UBOX5: variants seen among roughly 807,000 people sequenced by gnomAD.
UBOX5 encodes the protein RING finger protein 37.
Under a neutral mutation model 39.0 loss-of-function variants are expected in UBOX5, and 28 were observed. The observed-to-expected ratio is 0.72, with a 90% CI of 0.53 to 0.98. UBOX5 has a LOEUF of 0.98. Among genes scored for constraint, UBOX5 ranks in the 50% least tolerant of loss-of-function variants. The probability of loss-of-function intolerance (pLI) is 0.00; values close to 1 mark genes in which losing one functional copy is unlikely to be tolerated. For missense variants in UBOX5, 585 were observed against 674.4 expected, an observed-to-expected ratio of 0.87 and a Z score of 1.47; for synonymous variants, 283 against 275.5, an observed-to-expected ratio of 1.03 and a Z score of -0.27.
At chr20:3,136,032 G>A (rs538641846) in intron 1 of UBOX5, 1 of 152,270 alleles carries the variant, frequency 6.6e-6, no homozygotes, top group South Asian at 2.1e-4. Context: ...ACCACTTAGA[G>A]GCAATTCACC....
intron 1 of UBOX5, among the ~76,000 whole-genome samples, chr20:3,128,335 T>G (rs1264067648): frequency 6.6e-6 from 1 of 152,196 alleles, no homozygotes; most frequent in African/African-American, 2.4e-5. Context: ...TTAAAATAAA[T>G]ATATAGCCAA....
chr20:3,140,424 T>C (rs16988316), intron 1 of UBOX5, among the ~76,000 whole-genome samples: 1,604 of 152,208 alleles, frequency 0.011, 30 homozygotes, highest in African/African-American at 0.037. Context: ...TCTACAAAGG[T>C]TTTTACTACC....
intron 1 of UBOX5, among the ~76,000 whole-genome samples, chr20:3,154,986 G>C (rs187131585): frequency 3.2e-4 from 46 of 145,894 alleles, no homozygotes; most frequent in Non-Finnish European, 5.8e-4. Context: ...CCAGGAGGCA[G>C]AGGTTGCAGT....
In UBOX5 at chr20:3,121,948, C is replaced by A. The variant is rs748427894; in HGVS notation, c.691G>T (p.Glu231Ter). 6.2e-7 allele frequency: 1 copy of A among 1,613,970 alleles called. No individual in the cohort carries two copies. Among genetic ancestry groups the A allele is most frequent in the Non-Finnish European group, 8.5e-7 (1 of 1,180,038 alleles). The change falls in exon 3 of 5, where the codon GAA (glutamate) becomes TAA (stop). Residue 231 changes from glutamate (E) to a stop codon, truncating the protein, a stop_gained. Transcript: ENST00000217173. LOFTEE classifies it high-confidence loss of function. ...VALQAPALPM[E>*]SDCDPGDQPE... ...TGGTCCCCAGGGTCACAGTCACTTT[C>A]CATGGGCAAGGCTGGAGCCTGCAGA...
chr20:3,136,674 G>T (rs2066475278), intron 1 of UBOX5, among the ~76,000 whole-genome samples: 1 of 150,502 alleles, frequency 6.6e-6, no homozygotes, highest in African/African-American at 2.4e-5. Context: ...CTATTATTTT[G>T]AGATGGAGTC....
At chr20:3,114,916 C>G (rs2066281570) in intron 4 of UBOX5, among the ~76,000 whole-genome samples, 1 of 152,070 alleles carries the variant, frequency 6.6e-6, no homozygotes, top group South Asian at 2.1e-4. Flanking sequence ...CCACTGCACT[C>G]CAGCCTGGGC....
Position 3,109,799 on chromosome 20 carries a change from C to CG in UBOX5, c.*306dup, listed in dbSNP as rs1343955373. 1.4e-4 allele frequency: 59 copies of CG among 435,176 alleles called. 1 individual carries two copies. Among genetic ancestry groups the CG allele is most frequent in the African/African-American group, 8.5e-4 (42 of 49,682 alleles). 27.0% of individuals were successfully genotyped at this position (435,176 alleles called of 1,614,324 possible). A position where few individuals can be genotyped will look rare whatever the true frequency, so the allele number is the denominator to read the frequency against. On this transcript the variant is annotated 3_prime_UTR_variant, in exon 5 of 5. Transcript: ENST00000217173. ...TGGACAGGGGGGTATGCGGACTGCA[C>CG]GGGGGGGCCCTCAGCAGGGGTCTTC...
At chr20:3,138,341 A>G (rs2066488871) in intron 1 of UBOX5, among the ~76,000 whole-genome samples, 1 of 152,108 alleles carries the variant, frequency 6.6e-6, no homozygotes, top group Admixed American at 6.6e-5. Flanking sequence ...TATGTCTAGG[A>G]ATATGTATAC....
At chr20:3,155,052 C>CAA (rs11326176) in intron 1 of UBOX5, among the ~76,000 whole-genome samples, 15 of 96,080 alleles carry the variant, frequency 1.6e-4, no homozygotes, top group African/African-American at 5.0e-4. Flanking sequence ...GACACAGTCT[C>CAA]AAAAAAAAAA....
chr20:3,142,163 G>GAAA (rs74932169), intron 1 of UBOX5, among the ~76,000 whole-genome samples: 2 of 79,980 alleles, frequency 2.5e-5, no homozygotes. Flanking sequence ...GTCTCAAAAA[G>GAAA]AAAAAAAAAA....
intron 1 of UBOX5, among the ~76,000 whole-genome samples, chr20:3,137,375 G>A (rs2066480284): frequency 6.6e-6 from 1 of 152,088 alleles, no homozygotes; most frequent in African/African-American, 2.4e-5. Context: ...CCGCCTCCTG[G>A]GTTCAAGTGA....
At chr20:3,156,236 C>T (rs925157995) in intron 1 of UBOX5, among the ~76,000 whole-genome samples, 2 of 144,258 alleles carry the variant, frequency 1.4e-5, no homozygotes, top group African/African-American at 5.2e-5. Context: ...AGTGCAGTGG[C>T]GTGATCTCAG....
At position 3,132,184 on chromosome 20, in the gene UBOX5, C is replaced by T. The variant is rs576333083; in HGVS notation, c.-41-8778G>A. On this transcript the variant is annotated intron_variant, in intron 1 of 4. Coordinates refer to ENST00000217173, the MANE Select transcript of UBOX5 (RefSeq NM_014948.4). ...AATTAGCTGGGCATGGTTGCGCATGCCTGTAATCCCAGCTACTCTGAAGGC... is the reference window on the plus strand; with the variant it reads ...AATTAGCTGGGCATGGTTGCGCATGTCTGTAATCCCAGCTACTCTGAAGGC... Among the ~76,000 whole-genome samples, 12 of 151,782 alleles carry T rather than the reference C, an allele frequency of 7.9e-5. No individual in the cohort carries two copies. The East Asian group carries it at 2.3e-3, about 29-fold the overall frequency.
intron 1 of UBOX5, among the ~76,000 whole-genome samples, chr20:3,140,728 T>C (rs2066510861): frequency 6.6e-6 from 1 of 152,074 alleles, no homozygotes; most frequent in Admixed American, 6.6e-5. Flanking sequence ...TTTTCAACTT[T>C]TATTTTAGAT....
At chr20:3,141,162 G>A (rs1250270044) in intron 1 of UBOX5, among the ~76,000 whole-genome samples, 2 of 151,100 alleles carry the variant, frequency 1.3e-5, no homozygotes, top group Admixed American at 6.6e-5. Context: ...CAGGTGATCC[G>A]CCCGCCTCAG....
chr20:3,126,891 T>C (rs751789341), intron 1 of UBOX5, among the ~76,000 whole-genome samples: 1 of 151,464 alleles, frequency 6.6e-6, no homozygotes, highest in Admixed American at 6.6e-5. Flanking sequence ...CAAAAAGCAG[T>C]TGGGCATGGT....
intron 1 of UBOX5, among the ~76,000 whole-genome samples, chr20:3,144,861 G>A (rs892128795): frequency 1.3e-5 from 2 of 152,118 alleles, no homozygotes; most frequent in South Asian, 2.1e-4. Context: ...CTGCCTAAGC[G>A]TCAGACTTGG....
intron 1 of UBOX5, among the ~76,000 whole-genome samples, chr20:3,150,327 C>T (rs186138427): frequency 6.6e-6 from 1 of 152,136 alleles, no homozygotes; most frequent in Non-Finnish European, 1.5e-5. Context: ...CAAAGCTGGG[C>T]TCAGGGTTCA....
chr20:3,115,321 C>T lies in UBOX5; in HGVS notation c.1401G>A (p.Arg467=). ...LGTRGSNTSW[R]PGTGSEQPGS... is the part of the protein sequence containing the mutation. ...CCATGTTACCCGAGCCGGTGCCAGG[C>T]CTCCAGGAAGTGTTGCTCCCTCTTG... is the stretch of plus-strand genomic sequence containing the variant. Residue 467 remains arginine, a synonymous_variant, in exon 4 of 5, where the codon AGG becomes AGA. Coordinates refer to ENST00000217173, the MANE Select transcript of UBOX5 (RefSeq NM_014948.4). The T allele has an allele frequency of 6.2e-7, 1 of 1,611,712 alleles. No homozygotes were observed. Among genetic ancestry groups the T allele is most frequent in the Middle Eastern group, 1.7e-4 (1 of 6,036 alleles).
Sources: allele counts gnomAD v4.1 joint callset (sites outside exome capture counted in the v4.1 genomes callset), GRCh38; gene constraint gnomAD v4.1.1; transcripts MANE v1.5; gene names NCBI Gene and HGNC (gene_info 2026-07-23, HGNC 2026-07-21).